Variants in DLG2 observed in about 807,000 individuals in gnomAD.
The protein encoded by DLG2 is discs large MAGUK scaffold protein 2, also known as disks large homolog 2.
DLG2 carries 45 observed loss-of-function variants against 132.5 expected under a neutral mutation model. The ratio of observed to expected loss-of-function variants is 0.34; its 90% CI spans 0.27 to 0.44. The LOEUF (loss-of-function observed/expected upper bound fraction) is 0.44, where lower values mean the gene tolerates loss of function less well. Ranked by LOEUF, DLG2 falls within the 20% of genes least tolerant of loss-of-function variation. DLG2 has a pLI of 1.00. For synonymous variants in DLG2, 424 were observed against 419.6 expected (o/e 1.01, Z -0.13); for missense variants, 1,045 against 1,196.9 (o/e 0.87, Z 1.87).
intron 11 of DLG2, among the ~76,000 whole-genome samples, chr11:84,001,225 G>A (rs1188076879): frequency 6.7e-6 from 1 of 148,212 alleles, no homozygotes; most frequent in Non-Finnish European, 1.5e-5. Context: ...AACACATGAA[G>A]ACACAAAATA....
intron 10 of DLG2, among the ~76,000 whole-genome samples, chr11:84,071,603 G>C (rs1594646114): frequency 6.6e-6 from 1 of 151,860 alleles, no homozygotes; most frequent in East Asian, 1.9e-4. Context: ...CTAGATTCTG[G>C]GGAAAAAAGT....
chr11:84,851,266 C>T (rs2082129841), intron 6 of DLG2, among the ~76,000 whole-genome samples: 1 of 152,024 alleles, frequency 6.6e-6, no homozygotes, highest in Non-Finnish European at 1.5e-5. Flanking sequence ...GTCTGTCTTC[C>T]TTCACATGTT....
In DLG2 at chr11:85,471,966, C is replaced by T. The variant is rs1248189779; in HGVS notation, c.40+126691G>A. On this transcript the variant is annotated intron_variant, in intron 3 of 27. Transcript: ENST00000376104. The stretch of plus-strand genomic sequence containing the variant: ...CCATAATGTGACTTTTAGATAATAA[C>T]AGAATAATATCTACAAAATTGATCA... Among the ~76,000 whole-genome samples, 4 of 152,148 alleles carry T rather than the reference C, an allele frequency of 2.6e-5. No individual in the cohort carries two copies. In the South Asian group the frequency reaches 8.3e-4, roughly 32 times the overall value.
At chr11:85,191,162 G>GCGCACACACACA (rs34410192) in intron 4 of DLG2, among the ~76,000 whole-genome samples, 158 of 139,904 alleles carry the variant, frequency 1.1e-3, no homozygotes, top group African/African-American at 3.5e-3. Flanking sequence ...GCGCACGCGC[G>GCGCACACACACA]CACACACACA....
At chr11:84,858,445 T>C (rs984500424) in intron 6 of DLG2, among the ~76,000 whole-genome samples, 13 of 152,114 alleles carry the variant, frequency 8.5e-5, no homozygotes, top group African/African-American at 2.9e-4. Context: ...TCTGAAATTG[T>C]GCATTTGTCA....
chr11:84,275,708 T>C (rs954111533), intron 7 of DLG2, among the ~76,000 whole-genome samples: 1 of 152,222 alleles, frequency 6.6e-6, no homozygotes, highest in Non-Finnish European at 1.5e-5. Flanking sequence ...ATGTTGCCTC[T>C]ACCTTTAAGG....
intron 6 of DLG2, among the ~76,000 whole-genome samples, chr11:84,658,203 A>AT (rs924903149): frequency 1.3e-5 from 2 of 152,054 alleles, no homozygotes; most frequent in Non-Finnish European, 2.9e-5. Context: ...GAGATGAACT[A>AT]TTTATGTTGA....
At chr11:84,225,848 T>C (rs550196390) in intron 8 of DLG2, among the ~76,000 whole-genome samples, 1 of 152,144 alleles carries the variant, frequency 6.6e-6, no homozygotes, top group African/African-American at 2.4e-5. Context: ...GCTCACTTTG[T>C]TGCCCAGGCC....
chr11:85,396,689 T>C (rs1294401647), intron 3 of DLG2, among the ~76,000 whole-genome samples: 2 of 151,852 alleles, frequency 1.3e-5, no homozygotes, highest in Non-Finnish European at 2.9e-5. Flanking sequence ...TAATTGAAGA[T>C]CAAATTAATG....
chr11:83,788,517 T>C (rs2040636693), intron 17 of DLG2, among the ~76,000 whole-genome samples: 1 of 152,216 alleles, frequency 6.6e-6, no homozygotes, highest in Non-Finnish European at 1.5e-5. Flanking sequence ...CCTTAAAGTA[T>C]AAAATTCCAG....
intron 3 of DLG2, among the ~76,000 whole-genome samples, chr11:85,512,987 T>C (rs1355470826): frequency 6.6e-6 from 1 of 152,060 alleles, no homozygotes; most frequent in Non-Finnish European, 1.5e-5. Flanking sequence ...GTGGTACATA[T>C]ACACCATGGA....
chr11:84,109,689 G>A (rs2093223478), intron 9 of DLG2, among the ~76,000 whole-genome samples: 1 of 152,126 alleles, frequency 6.6e-6, no homozygotes, highest in Non-Finnish European at 1.5e-5. Flanking sequence ...TTTTTCCAGT[G>A]TAAGCTGGTA....
chr11:83,999,726 C>T (rs891911299), intron 11 of DLG2, among the ~76,000 whole-genome samples: 1 of 152,112 alleles, frequency 6.6e-6, no homozygotes, highest in Non-Finnish European at 1.5e-5. Flanking sequence ...GCACTGTACA[C>T]CACCAAGGAA....
intron 11 of DLG2, among the ~76,000 whole-genome samples, chr11:84,047,817 A>G (rs2096272170): frequency 6.6e-6 from 1 of 151,668 alleles, no homozygotes; most frequent in Admixed American, 6.6e-5. Context: ...GGCATCATTC[A>G]TTAATTTCCA....
At chr11:85,479,924 T>G (rs755856332) in intron 3 of DLG2, among the ~76,000 whole-genome samples, 1 of 152,214 alleles carries the variant, frequency 6.6e-6, no homozygotes, top group East Asian at 1.9e-4. Context: ...CCAATCATAC[T>G]GGATTGTGGC....
chr11:84,184,594 T>A (rs1477623828), intron 8 of DLG2, among the ~76,000 whole-genome samples: 2 of 152,204 alleles, frequency 1.3e-5, no homozygotes, highest in Non-Finnish European at 2.9e-5. Context: ...ATTTGTCAAT[T>A]CTGGCTTTTG....
At chr11:84,895,765 A>G (rs1207336302) in intron 6 of DLG2, among the ~76,000 whole-genome samples, 10 of 152,272 alleles carry the variant, frequency 6.6e-5, no homozygotes, top group East Asian at 3.9e-4. Flanking sequence ...TATAGTTTGA[A>G]TAAGTATTTT....
intron 10 of DLG2, among the ~76,000 whole-genome samples, chr11:84,065,349 T>C (rs2096654868): frequency 6.6e-6 from 1 of 152,040 alleles, no homozygotes; most frequent in Non-Finnish European, 1.5e-5. Context: ...CTAGAATCTA[T>C]AAGGAACTTA....
intron 8 of DLG2, among the ~76,000 whole-genome samples, chr11:84,238,626 T>C (rs752967171): frequency 6.6e-6 from 1 of 151,148 alleles, no homozygotes; most frequent in Non-Finnish European, 1.5e-5. Flanking sequence ...CCCAGAAATA[T>C]GTTTTAGTAT....
Sources: allele counts gnomAD v4.1 joint callset (sites outside exome capture counted in the v4.1 genomes callset), GRCh38; gene constraint gnomAD v4.1.1; transcripts MANE v1.5; gene names NCBI Gene and HGNC (gene_info 2026-07-23, HGNC 2026-07-21).